The following ATXN7L1 variants were observed in gnomAD, a reference collection of about 807,000 sequenced individuals.
The protein encoded by ATXN7L1 is ataxin-7-like protein 1.
A neutral mutation model predicts 70.8 loss-of-function variants in ATXN7L1; 15 were observed. The ratio of observed to expected loss-of-function variants is 0.21; its 90% CI spans 0.14 to 0.33. The LOEUF is 0.33. Among genes scored for constraint, ATXN7L1 ranks in the 10% least tolerant of loss-of-function variants. The pLI is 1.00. For missense variants in ATXN7L1, 975 were observed against 1,097.1 expected, an observed-to-expected ratio of 0.89 and a Z score of 1.57; for synonymous variants, 440 against 445.1, an observed-to-expected ratio of 0.99 and a Z score of 0.14.
intron 7 of ATXN7L1, among the ~76,000 whole-genome samples, chr7:105,637,618 C>T (rs898607732): frequency 1.4e-4 from 21 of 152,242 alleles, no homozygotes; most frequent in African/African-American, 3.9e-4. Context: ...GGTTCTCTGT[C>T]GCATTATTTG....
At chr7:105,825,399 G>T (rs1382494735) in intron 2 of ATXN7L1, among the ~76,000 whole-genome samples, 1 of 151,846 alleles carries the variant, frequency 6.6e-6, no homozygotes, top group Non-Finnish European at 1.5e-5. Flanking sequence ...AAAATACAGG[G>T]GAATTGATGG....
chr7:105,846,991 A>G (rs570094421), intron 2 of ATXN7L1, among the ~76,000 whole-genome samples: 1 of 152,334 alleles, frequency 6.6e-6, no homozygotes, highest in African/African-American at 2.4e-5. Flanking sequence ...AATGGGTACA[A>G]GGTTTCTTTC....
At chr7:105,816,965 G>A (rs1250668056) in intron 2 of ATXN7L1, among the ~76,000 whole-genome samples, 4 of 152,216 alleles carry the variant, frequency 2.6e-5, no homozygotes, top group African/African-American at 9.6e-5. Flanking sequence ...TCAGCAAAGA[G>A]GATACAAAGG....
intron 3 of ATXN7L1, chr7:105,678,168 T>A: frequency 3.4e-6 from 1 of 290,766 alleles, no homozygotes; most frequent in Non-Finnish European, 5.1e-6. Context: ...GTTATTTTGG[T>A]GAAAACAAAC....
chr7:105,623,655 C>T (rs939881198), intron 8 of ATXN7L1, among the ~76,000 whole-genome samples: 8 of 152,308 alleles, frequency 5.3e-5, no homozygotes, highest in South Asian at 2.1e-4. Flanking sequence ...GCCCCTGACA[C>T]GCTGCTAAGA....
At chr7:105,704,486 T>A (rs1792874079) in intron 3 of ATXN7L1, among the ~76,000 whole-genome samples, 1 of 151,480 alleles carries the variant, frequency 6.6e-6, no homozygotes, top group South Asian at 2.1e-4. Context: ...TAAAAACCAC[T>A]GGGATGATAC....
chr7:105,845,746 A>G (rs1471758765), intron 2 of ATXN7L1, among the ~76,000 whole-genome samples: 2 of 152,208 alleles, frequency 1.3e-5, no homozygotes, highest in African/African-American at 4.8e-5. Context: ...AAATAAACTC[A>G]TATTTATGGT....
intron 2 of ATXN7L1, among the ~76,000 whole-genome samples, chr7:105,790,650 CTATCATCTATCTACT>C (rs1805046168): frequency 2.0e-5 from 3 of 149,386 alleles, no homozygotes; most frequent in African/African-American, 7.4e-5. Flanking sequence ...ATCTATCTAT[CTATCATCTATCTACT>C]ATCTATCTAC....
intron 2 of ATXN7L1, among the ~76,000 whole-genome samples, chr7:105,827,278 C>T (rs762715360): frequency 2.8e-4 from 42 of 152,232 alleles, no homozygotes; most frequent in Non-Finnish European, 5.6e-4. Context: ...CAGTAAAATT[C>T]ATTTTTATAT....
chr7:105,663,889 C>T (rs1281269692), intron 4 of ATXN7L1, among the ~76,000 whole-genome samples: 2 of 152,070 alleles, frequency 1.3e-5, no homozygotes, highest in African/African-American at 2.4e-5. Flanking sequence ...CTTGCCTCAG[C>T]CTCCCCAGTA....
At chr7:105,765,703 C>T (rs1293455140) in intron 3 of ATXN7L1, among the ~76,000 whole-genome samples, 1 of 152,180 alleles carries the variant, frequency 6.6e-6, no homozygotes. Context: ...TTTTAAAGTT[C>T]ATGCTAGATT....
chr7:105,866,990 C>G (rs139530215), intron 2 of ATXN7L1, among the ~76,000 whole-genome samples: 8 of 152,172 alleles, frequency 5.3e-5, no homozygotes, highest in Non-Finnish European at 1.0e-4. Context: ...ATAAACGAAA[C>G]GTTAACCTGA....
At chr7:105,787,954 T>C (rs905524046) in intron 3 of ATXN7L1, among the ~76,000 whole-genome samples, 1 of 152,198 alleles carries the variant, frequency 6.6e-6, no homozygotes, top group Admixed American at 6.5e-5. Context: ...GCCAAATGGC[T>C]GTTTATTCAT....
intron 3 of ATXN7L1, among the ~76,000 whole-genome samples, chr7:105,763,061 C>G (rs1448613293): frequency 6.6e-6 from 1 of 152,230 alleles, no homozygotes; most frequent in Non-Finnish European, 1.5e-5. Flanking sequence ...AACCACACAG[C>G]TGAGCCACTC....
At chr7:105,770,121 T>G (rs1398923925) in intron 3 of ATXN7L1, among the ~76,000 whole-genome samples, 1 of 152,228 alleles carries the variant, frequency 6.6e-6, no homozygotes, top group African/African-American at 2.4e-5. Context: ...TTTGGGCCAG[T>G]GCAGTGATGT....
chr7:105,811,357 G>A (rs1808403348), intron 2 of ATXN7L1, among the ~76,000 whole-genome samples: 1 of 152,202 alleles, frequency 6.6e-6, no homozygotes, highest in Admixed American at 6.5e-5. Flanking sequence ...TGCCCTGGAA[G>A]CTTCAGAGAG....
intron 8 of ATXN7L1, 36 bp from the exon 9 acceptor site, chr7:105,620,357 G>T (rs1426176939): frequency 1.3e-6 from 2 of 1,517,912 alleles, no homozygotes; most frequent in African/African-American, 1.4e-5. Context: ...TTGATTACAG[G>T]TTAATAAGCT....
Position 105,614,495 on chromosome 7 carries a change from G to C in ATXN7L1, c.1839C>G (p.Ser613=), listed in dbSNP as rs1218078856. Reference sequence around the variant, plus strand: ...TGGTTTTGGATGGCTTGTGGGATGGGGAAGGGATGACGGCTGGTATCGGGG... The same window carrying C: ...TGGTTTTGGATGGCTTGTGGGATGGCGAAGGGATGACGGCTGGTATCGGGG... The part of the protein sequence containing the change: ...AVSPIPAVIP[S]PSHKPSKTKT... The change falls in exon 10 of 12, where the codon TCC becomes TCG. Residue 613 remains serine, a synonymous_variant. Coordinates refer to ENST00000419735, the MANE Select transcript of ATXN7L1 (RefSeq NM_020725.2). This position sits in a 1 kb window ranked among gnomAD's most constrained non-coding sequence, Gnocchi z 4.3. 8 of 1,534,362 alleles carry C rather than the reference G, an allele frequency of 5.2e-6. No individual in the cohort carries two copies. The highest frequency in any genetic ancestry group is 1.4e-5 in the African/African-American group (1 of 72,570).
At chr7:105,726,733 T>A (rs1232682362) in intron 3 of ATXN7L1, among the ~76,000 whole-genome samples, 1 of 152,176 alleles carries the variant, frequency 6.6e-6, no homozygotes, top group Non-Finnish European at 1.5e-5. Context: ...CAGGAGCACA[T>A]GAGAGACCAG....
Sources: gnomAD v4.1 joint callset for allele counts (sites outside exome capture counted in the v4.1 genomes callset) on GRCh38, gnomAD v4.1.1 for gene constraint, Gnocchi (gnomAD v3.1) non-coding constraint, MANE v1.5 for transcripts, NCBI Gene and HGNC (gene_info 2026-07-23, HGNC 2026-07-21) for gene names.